CSNK1G1: variants seen among roughly 807,000 people sequenced by gnomAD.
CSNK1G1 encodes the protein casein kinase I isoform gamma-1.
In CSNK1G1, 22 loss-of-function variants were observed where a neutral mutation model predicts 59.6. The ratio of observed to expected loss-of-function variants is 0.37; its 90% CI spans 0.26 to 0.53. The LOEUF (loss-of-function observed/expected upper bound fraction) is 0.53. CSNK1G1 is among the 20% of genes least tolerant of loss of function. CSNK1G1 has a pLI of 0.89. For missense variants in CSNK1G1, 384 were observed against 519.5 expected, an observed-to-expected ratio of 0.74 and a Z score of 2.54; for synonymous variants, 179 against 177.1, an observed-to-expected ratio of 1.01 and a Z score of -0.08.
intron 2 of CSNK1G1, among the ~76,000 whole-genome samples, chr15:64,288,460 C>T (rs1291158974): frequency 6.6e-6 from 1 of 151,734 alleles, no homozygotes; most frequent in African/African-American, 2.4e-5. Context: ...GAACCACTTG[C>T]CTATAGGATT....
In CSNK1G1 at chr15:64,354,569, G is replaced by A. The variant is rs78677233; in HGVS notation, c.-225+1419C>T. Among the ~76,000 whole-genome samples the A allele has an allele frequency of 7.8e-3, 1,186 of 151,996 alleles. 7 individuals carry two copies. Among genetic ancestry groups the A allele is most frequent in the Middle Eastern group, 0.014 (4 of 294 alleles). On this transcript the variant is annotated intron_variant, in intron 1 of 11. Coordinates refer to ENST00000303052, the MANE Select transcript of CSNK1G1 (RefSeq NM_022048.5). The stretch of plus-strand genomic sequence containing the variant: ...GATAACTGAATTTCATGCTACCTAC[G>A]ATCAATTTCGAGAAGACACTGAAAG...
chr15:64,280,350 G>C (rs1052181817), intron 2 of CSNK1G1, among the ~76,000 whole-genome samples: 10 of 151,784 alleles, frequency 6.6e-5, no homozygotes, highest in Admixed American at 6.6e-4. Flanking sequence ...AGGACAACCA[G>C]GGCAAAATAG....
At chr15:64,180,543 T>TC in intron 10 of CSNK1G1, 89 bp from the exon 11 acceptor site, 1 of 1,013,356 alleles carries the variant, frequency 9.9e-7, no homozygotes, top group Non-Finnish European at 1.5e-6. Flanking sequence ...ACAGGCAGTG[T>TC]CTGGAATGTT....
chr15:64,332,714 A>G (rs1044062549), intron 1 of CSNK1G1, among the ~76,000 whole-genome samples: 2 of 150,696 alleles, frequency 1.3e-5, no homozygotes, highest in East Asian at 3.9e-4. Context: ...CCCAAATCAC[A>G]AAACAATTTA....
intron 2 of CSNK1G1, among the ~76,000 whole-genome samples, chr15:64,276,686 C>T (rs1429875835): frequency 6.6e-6 from 1 of 152,164 alleles, no homozygotes; most frequent in Admixed American, 6.5e-5. Context: ...TGGCTCACGC[C>T]TGTAATCCCA....
Position 64,178,482 on chromosome 15 carries a change from C to CTTT in CSNK1G1, c.1214+1863_1214+1865dup, listed in dbSNP as rs1175775132. The stretch of plus-strand genomic sequence containing the variant: ...CCCTGGTTTTCCAAGCAAAAATTTT[C>CTTT]TTTTTTTTTTTTTTTTTTGAGATGG... On this transcript the variant is annotated intron_variant, in intron 11 of 11. Coordinates refer to ENST00000303052, the MANE Select transcript of CSNK1G1 (RefSeq NM_022048.5). 6.3e-3 allele frequency among the ~76,000 whole-genome samples: 783 copies of CTTT among 123,736 alleles called. 17 individuals carry two copies. Among genetic ancestry groups the CTTT allele is most frequent in the African/African-American group, 0.022 (706 of 32,346 alleles). 81.2% of individuals were successfully genotyped at this position (123,736 alleles called of 152,430 possible). A position where few individuals can be genotyped will look rare whatever the true frequency, so the allele number is the denominator to read the frequency against.
At chr15:64,290,743 T>C (rs1348220257) in intron 2 of CSNK1G1, among the ~76,000 whole-genome samples, 1 of 152,218 alleles carries the variant, frequency 6.6e-6, no homozygotes, top group East Asian at 1.9e-4. Context: ...TTTAATTTAA[T>C]TTAATTCAAT....
chr15:64,203,425 C>T (rs571741992), intron 9 of CSNK1G1, among the ~76,000 whole-genome samples: 3 of 152,082 alleles, frequency 2.0e-5, no homozygotes, highest in Non-Finnish European at 2.9e-5. Flanking sequence ...GGGCCGGGCG[C>T]GGTGGCTCGT....
At chr15:64,330,294 G>A (rs1382493697) in intron 1 of CSNK1G1, among the ~76,000 whole-genome samples, 3 of 134,974 alleles carry the variant, frequency 2.2e-5, no homozygotes, top group Admixed American at 7.7e-5. Flanking sequence ...CTGGCAAACC[G>A]AATCCAGCAG....
rs371686682 is a variant in CSNK1G1, at chr15:64,203,233, A to G, written c.1000-44T>C. 5.8e-6 allele frequency: 7 copies of G among 1,210,856 alleles called. No homozygotes were observed. In the African/African-American group the frequency reaches 5.9e-5, roughly 10 times the overall value. The allele number at this position is 1,210,856 out of a possible 1,614,324, so 75.0% of individuals were successfully genotyped here. On this transcript the variant is annotated intron_variant, in intron 9 of 11. Coordinates refer to ENST00000303052, the MANE Select transcript of CSNK1G1 (RefSeq NM_022048.5). Reference sequence around the variant, plus strand: ...AAGTCAAATGGGGGAAACAGGTCCAACTTGATGCATATGCAAAGGACAGAA... The same window carrying G: ...AAGTCAAATGGGGGAAACAGGTCCAGCTTGATGCATATGCAAAGGACAGAA...
intron 4 of CSNK1G1, among the ~76,000 whole-genome samples, chr15:64,226,555 A>AAAACAAACAAAC (rs141730302): frequency 0.03 from 4,515 of 148,370 alleles, 77 homozygotes; most frequent in Middle Eastern, 0.051. Flanking sequence ...ATTCCGTCTC[A>AAAACAAACAAAC]AAACAAACAA....
chr15:64,269,163 G>A (rs995028326), intron 2 of CSNK1G1, among the ~76,000 whole-genome samples: 8 of 152,116 alleles, frequency 5.3e-5, no homozygotes, highest in Non-Finnish European at 1.0e-4. Context: ...AGTGTTTTGG[G>A]CCTTTATCTA....
chr15:64,201,706 A>ATTG (rs1555499643), intron 10 of CSNK1G1, among the ~76,000 whole-genome samples: 4 of 126,474 alleles, frequency 3.2e-5, no homozygotes, highest in Non-Finnish European at 6.5e-5. Flanking sequence ...TCCATTGGAC[A>ATTG]TGTGTGTGTG....
chr15:64,350,135 A>G (rs947861110), intron 1 of CSNK1G1, among the ~76,000 whole-genome samples: 2 of 152,100 alleles, frequency 1.3e-5, no homozygotes, highest in African/African-American at 2.4e-5. Flanking sequence ...TTAATCTAAA[A>G]TATCTTTTTA....
Position 64,216,979 on chromosome 15 carries a change from A to T in CSNK1G1, c.293-266T>A, listed in dbSNP as rs555420773. 5.1e-4 allele frequency among the ~76,000 whole-genome samples: 78 copies of T among 152,376 alleles called. No homozygotes were observed. The highest frequency in any genetic ancestry group is 9.3e-4 in the Non-Finnish European group (63 of 68,036). On this transcript the variant is annotated intron_variant, in intron 4 of 11. Coordinates refer to ENST00000303052, the MANE Select transcript of CSNK1G1 (RefSeq NM_022048.5). This position sits in a 1 kb window ranked among gnomAD's most constrained non-coding sequence, Gnocchi z 4.6. ...TGCCAAAAACATTTCCACTGCTATA[A>T]GATAGAGAATGGTCCCTGATCCATT... is the stretch of plus-strand genomic sequence containing the variant.
At chr15:64,314,328 A>T (rs946503335) in intron 1 of CSNK1G1, among the ~76,000 whole-genome samples, 5 of 152,098 alleles carry the variant, frequency 3.3e-5, no homozygotes, top group African/African-American at 1.2e-4. Context: ...ATTAGAAGAC[A>T]CATTTATTTT....
chr15:64,326,669 A>T (rs530778249), intron 1 of CSNK1G1, among the ~76,000 whole-genome samples: 4 of 149,876 alleles, frequency 2.7e-5, no homozygotes, highest in African/African-American at 7.3e-5. Context: ...AGGGGGGAGG[A>T]GCCAAGATGG....
rs1162353468 is a variant in CSNK1G1, at chr15:64,222,439, A to AC, written c.293-5727_293-5726insG. On this transcript the variant is annotated intron_variant, in intron 4 of 11. Transcript: ENST00000303052. ...AGAAATAACAACAACAACACCACCA[A>AC]AAAAAAAAAAAAAAAAAAAAGAGGA... Among the ~76,000 whole-genome samples the AC allele has an allele frequency of 5.4e-3, 639 of 118,628 alleles. 5 individuals carry two copies. Among genetic ancestry groups the AC allele is most frequent in the African/African-American group, 0.023 (495 of 21,270 alleles). The allele number at this position is 118,628 out of a possible 152,430, so 77.8% of individuals were successfully genotyped here. A position where few individuals can be genotyped will look rare whatever the true frequency, so the allele number is the denominator to read the frequency against.
At chr15:64,343,236 C>CACACACACA (rs1555405238) in intron 1 of CSNK1G1, among the ~76,000 whole-genome samples, 4 of 150,704 alleles carry the variant, frequency 2.7e-5, no homozygotes, top group Non-Finnish European at 5.9e-5. Flanking sequence ...CACACACACA[C>CACACACACA]CTCTTCTAAA....
Sources: allele counts gnomAD v4.1 joint callset (sites outside exome capture counted in the v4.1 genomes callset), GRCh38; gene constraint gnomAD v4.1.1; non-coding constraint Gnocchi (gnomAD v3.1); transcripts MANE v1.5; gene names NCBI Gene and HGNC (gene_info 2026-07-23, HGNC 2026-07-21).